The following CNTN3 variants were observed in gnomAD, a reference collection of about 807,000 sequenced individuals.
CNTN3 encodes contactin 3.
In CNTN3, 60 loss-of-function variants were observed where a neutral mutation model predicts 119.1. The ratio of observed to expected loss-of-function variants is 0.50; its 90% CI spans 0.41 to 0.62. The LOEUF (loss-of-function observed/expected upper bound fraction) is 0.62. Ranked by LOEUF, CNTN3 falls within the 20% of genes least tolerant of loss-of-function variation. The pLI is 0.00. For missense variants in CNTN3, 1,101 were observed against 1,242.4 expected (o/e 0.89, Z 1.71); for synonymous variants, 450 against 438.7 (o/e 1.03, Z -0.32).
intron 4 of CNTN3, among the ~76,000 whole-genome samples, chr3:74,430,968 T>C (rs1444310537): frequency 6.6e-6 from 1 of 152,060 alleles, no homozygotes; most frequent in Non-Finnish European, 1.5e-5. Flanking sequence ...AGCCCATAGC[T>C]CCAGCCACAA....
chr3:74,480,470 T>C (rs13087740), intron 4 of CNTN3, among the ~76,000 whole-genome samples: 51,597 of 151,818 alleles, frequency 0.34, 11,649 homozygotes, highest in Non-Finnish European at 0.5. Context: ...GCTGGCATAG[T>C]TAACAGTCAA....
chr3:74,298,323 G>T (rs1041152298), intron 17 of CNTN3, 132 bp from the exon 18 acceptor site: 20 of 489,460 alleles, frequency 4.1e-5, no homozygotes, highest in Non-Finnish European at 7.1e-5. Context: ...GCAGTTGCAT[G>T]AAAAAAGGAG....
chr3:74,276,220 T>C (rs989363448), intron 20 of CNTN3, among the ~76,000 whole-genome samples: 1 of 152,124 alleles, frequency 6.6e-6, no homozygotes. Flanking sequence ...ATGACAGCAC[T>C]AGACAGTCAT....
intron 3 of CNTN3, 97 bp from the exon 4 acceptor site, chr3:74,486,728 G>T: frequency 1.0e-6 from 1 of 991,792 alleles, no homozygotes; most frequent in Non-Finnish European, 1.4e-6. Flanking sequence ...TCCCTCAAAA[G>T]TAAAAAGTGA....
intron 2 of CNTN3, among the ~76,000 whole-genome samples, chr3:74,520,754 T>A (rs929156329): frequency 1.4e-5 from 2 of 145,100 alleles, no homozygotes; most frequent in African/African-American, 2.8e-5. Flanking sequence ...GGAAAAAAAA[T>A]GTCACAAATT....
At chr3:74,404,740 C>T (rs949032792) in intron 5 of CNTN3, among the ~76,000 whole-genome samples, 1 of 151,924 alleles carries the variant, frequency 6.6e-6, no homozygotes, top group Non-Finnish European at 1.5e-5. Context: ...CAAGATTTTT[C>T]TACTGTGTGT....
intron 11 of CNTN3, among the ~76,000 whole-genome samples, chr3:74,359,657 A>G (rs1053786657): frequency 1.3e-5 from 2 of 152,192 alleles, no homozygotes; most frequent in African/African-American, 2.4e-5. Context: ...GTGGATATAA[A>G]TATCTCCTTG....
chr3:74,426,684 A>G (rs924377362), intron 4 of CNTN3, among the ~76,000 whole-genome samples: 6 of 152,214 alleles, frequency 3.9e-5, no homozygotes, highest in Non-Finnish European at 8.8e-5. Context: ...TATCCAACAG[A>G]AATGATACAA....
At chr3:74,494,949 CG>C (rs1559631781) in intron 3 of CNTN3, among the ~76,000 whole-genome samples, 1 of 152,040 alleles carries the variant, frequency 6.6e-6, no homozygotes, top group African/African-American at 2.4e-5. Context: ...ATGTCAAGAA[CG>C]CTTCCTAGGA....
At chr3:74,279,892 G>A (rs896488840) in intron 20 of CNTN3, among the ~76,000 whole-genome samples, 2 of 152,040 alleles carry the variant, frequency 1.3e-5, no homozygotes, top group African/African-American at 4.8e-5. Context: ...TTGGGGTGAG[G>A]GGGATAAGTG....
chr3:74,441,886 T>A (rs896539612), intron 4 of CNTN3, among the ~76,000 whole-genome samples: 1 of 152,186 alleles, frequency 6.6e-6, no homozygotes. Flanking sequence ...ACCATTCTCA[T>A]AGAAAATATT....
At chr3:74,483,415 G>T (rs1438639697) in intron 4 of CNTN3, among the ~76,000 whole-genome samples, 1 of 152,076 alleles carries the variant, frequency 6.6e-6, no homozygotes, top group Non-Finnish European at 1.5e-5. Context: ...TCTTCCACGT[G>T]CTCTGGGCTC....
chr3:74,584,553 C>A (rs1046343694), intron 1 of CNTN3, among the ~76,000 whole-genome samples: 1 of 152,096 alleles, frequency 6.6e-6, no homozygotes, highest in Non-Finnish European at 1.5e-5. Context: ...GTCCTCACCA[C>A]AAGCAGATGC....
At chr3:74,595,775 G>T (rs991272879) in intron 1 of CNTN3, among the ~76,000 whole-genome samples, 1 of 152,056 alleles carries the variant, frequency 6.6e-6, no homozygotes, top group African/African-American at 2.4e-5. Flanking sequence ...TTTGAAAACT[G>T]GCACAAGACA....
At position 74,423,935 on chromosome 3, in the gene CNTN3, A is replaced by G. The variant is rs533137723; in HGVS notation, c.454+910T>C. Among the ~76,000 whole-genome samples, 3 of 152,280 alleles carry G rather than the reference A, an allele frequency of 2.0e-5. No individual in the cohort carries two copies. The South Asian group carries it at 6.2e-4, about 32-fold the overall frequency. On this transcript the variant is annotated intron_variant, in intron 5 of 22. Coordinates refer to ENST00000263665, the MANE Select transcript of CNTN3 (RefSeq NM_020872.3). ...AACTCTTTGGGTGGAAAGGACTGTA[A>G]TTTGTATGTCACAGAACAAATAAAG...
intron 13 of CNTN3, among the ~76,000 whole-genome samples, chr3:74,312,206 C>T (rs998340472): frequency 6.6e-6 from 1 of 152,050 alleles, no homozygotes; most frequent in African/African-American, 2.4e-5. Context: ...GTAATCCCAG[C>T]ACTTTGGGAG....
chr3:74,418,829 C>T (rs1701570534), intron 5 of CNTN3, among the ~76,000 whole-genome samples: 1 of 151,604 alleles, frequency 6.6e-6, no homozygotes, highest in African/African-American at 2.4e-5. Flanking sequence ...CACTCTGTTG[C>T]CCAGGCTGGA....
chr3:74,337,245 C>G (rs1433844423), intron 11 of CNTN3, among the ~76,000 whole-genome samples: 1 of 152,038 alleles, frequency 6.6e-6, no homozygotes, highest in African/African-American at 2.4e-5. Context: ...TTAGTATACA[C>G]TTAGAGTACT....
intron 5 of CNTN3, among the ~76,000 whole-genome samples, chr3:74,374,586 T>C (rs1164866115): frequency 6.6e-6 from 1 of 152,020 alleles, no homozygotes; most frequent in African/African-American, 2.4e-5. Flanking sequence ...GTACCTGCCC[T>C]GCAGACAAGT....
Sources: allele counts gnomAD v4.1 joint callset (sites outside exome capture counted in the v4.1 genomes callset), GRCh38; gene constraint gnomAD v4.1.1; transcripts MANE v1.5; gene names NCBI Gene and HGNC (gene_info 2026-07-23, HGNC 2026-07-21).